The following QSOX1 variants were observed in gnomAD, a reference collection of about 807,000 sequenced individuals.
The protein encoded by QSOX1 is quiescin sulfhydryl oxidase 1.
A neutral mutation model predicts 76.1 loss-of-function variants in QSOX1; 40 were observed. The observed-to-expected ratio is 0.53, with a 90% confidence interval of 0.41 to 0.68. The LOEUF (loss-of-function observed/expected upper bound fraction) is 0.68. QSOX1 is among the 30% of genes least tolerant of loss of function. QSOX1 has a pLI of 0.00. For synonymous variants in QSOX1, 392 were observed against 413.1 expected (o/e 0.95, Z 0.62); for missense variants, 931 against 974.3 (o/e 0.96, Z 0.59).
At chr1:180,188,056 G>A (rs1572052374) in intron 8 of QSOX1, among the ~76,000 whole-genome samples, 1 of 152,056 alleles carries the variant, frequency 6.6e-6, no homozygotes, top group Admixed American at 6.6e-5. Flanking sequence ...TATGATCTCC[G>A]TTTCATAGAA....
intron 11 of QSOX1, among the ~76,000 whole-genome samples, chr1:180,194,635 C>T (rs1663415274): frequency 6.6e-6 from 1 of 152,250 alleles, no homozygotes; most frequent in Non-Finnish European, 1.5e-5. Context: ...TCTAGGGCCC[C>T]TCTCTAGCCT....
intron 1 of QSOX1, among the ~76,000 whole-genome samples, chr1:180,165,855 C>T (rs1224481487): frequency 5.3e-5 from 8 of 151,662 alleles, no homozygotes; most frequent in Admixed American, 5.2e-4. Flanking sequence ...TTTCAGCGGC[C>T]AGCAGCCTTG....
chr1:180,180,930 GTAT>G (rs1177090915), intron 5 of QSOX1, among the ~76,000 whole-genome samples: 2 of 152,088 alleles, frequency 1.3e-5, no homozygotes, highest in African/African-American at 4.8e-5. Flanking sequence ...GAAGTTGGTG[GTAT>G]TATTATTATT....
At chr1:180,166,274 A>G (rs1662616264) in intron 1 of QSOX1, among the ~76,000 whole-genome samples, 1 of 152,206 alleles carries the variant, frequency 6.6e-6, no homozygotes, top group African/African-American at 2.4e-5. Flanking sequence ...TATGCTAATC[A>G]TCCAAAACAC....
At chr1:180,168,441 G>T (rs1662683444) in intron 2 of QSOX1, among the ~76,000 whole-genome samples, 1 of 152,248 alleles carries the variant, frequency 6.6e-6, no homozygotes, top group South Asian at 2.1e-4. Flanking sequence ...TTGGCCAGGG[G>T]GAGGCACCCA....
chr1:180,194,317 C>T lies in QSOX1; in HGVS notation c.1393C>T (p.His465Tyr), dbSNP rs1182994532. 1 of 1,610,720 alleles carries T rather than the reference C, an allele frequency of 6.2e-7. No individual in the cohort carries two copies. The highest frequency in any genetic ancestry group is 1.1e-5 in the South Asian group (1 of 90,740). ...CGAGCAGATGGCTGCTGCCTCCATGCACCGGGTGGGGAGTCCCAACGCCGC... is the reference window on the plus strand; with the variant it reads ...CGAGCAGATGGCTGCTGCCTCCATGTACCGGGTGGGGAGTCCCAACGCCGC... Reference protein sequence around the residue: ...HFEQMAAASMHRVGSPNAAVL... With the variant: ...HFEQMAAASMYRVGSPNAAVL... Residue 465 changes from histidine to tyrosine, a missense_variant, in exon 11 of 12, where the codon CAC becomes TAC. Coordinates refer to ENST00000367602, the MANE Select transcript of QSOX1 (RefSeq NM_002826.5).
At chr1:180,182,746 A>G (rs1261567879) in intron 6 of QSOX1, among the ~76,000 whole-genome samples, 1 of 152,154 alleles carries the variant, frequency 6.6e-6, no homozygotes, top group African/African-American at 2.4e-5. Flanking sequence ...GCCAGTTCCA[A>G]AATGCCGAGA....
rs776393964 is a variant in QSOX1, at chr1:180,200,023, G to A, written c.*2986G>A. 1.3e-5 allele frequency: 2 copies of A among 152,240 alleles called. No homozygotes were observed. Among genetic ancestry groups the A allele is most frequent in the Non-Finnish European group, 2.9e-5 (2 of 68,072 alleles). 9.4% of individuals were successfully genotyped at this position (152,240 alleles called of 1,614,324 possible). A position where few individuals can be genotyped will look rare whatever the true frequency, so the allele number is the denominator to read the frequency against. ...GGCTCCAGGGGACCCAGCCAGCCTT[G>A]ACCCTGGAGGAAAGTCAGGTGGGCT... On this transcript the variant is annotated 3_prime_UTR_variant, in exon 12 of 12. Transcript: ENST00000367602.
At chr1:180,162,484 C>G (rs1044101895) in intron 1 of QSOX1, among the ~76,000 whole-genome samples, 1 of 151,514 alleles carries the variant, frequency 6.6e-6, no homozygotes, top group African/African-American at 2.4e-5. Flanking sequence ...GACGGTAATC[C>G]CAACACTTTG....
At position 180,197,406 on chromosome 1, in the gene QSOX1, A is replaced by G. The variant is rs1663525497; in HGVS notation, c.*369A>G. The G allele has an allele frequency of 1.2e-6, 2 of 1,610,384 alleles. No individual in the cohort carries two copies. Among genetic ancestry groups the G allele is most frequent in the Middle Eastern group, 1.6e-4 (1 of 6,080 alleles). On this transcript the variant is annotated 3_prime_UTR_variant, in exon 12 of 12. Coordinates refer to ENST00000367602, the MANE Select transcript of QSOX1 (RefSeq NM_002826.5). ...CTTGGTCTTGGCCCTCAACTGGGGC[A>G]AGTGAAGCCAGAGGAGGGTCCCCCA... is the stretch of plus-strand genomic sequence containing the variant.
chr1:180,191,078 A>C (rs1407803650), intron 10 of QSOX1, among the ~76,000 whole-genome samples: 1 of 152,190 alleles, frequency 6.6e-6, no homozygotes, highest in East Asian at 1.9e-4. Flanking sequence ...GATTGTCCAC[A>C]AACTGCACCA....
chr1:180,180,492 G>A (rs1311641894), intron 5 of QSOX1, among the ~76,000 whole-genome samples: 1 of 152,082 alleles, frequency 6.6e-6, no homozygotes, highest in African/African-American at 2.4e-5. Context: ...TTACAGACGT[G>A]AGCCACTGCG....
rs1018136227 is a variant in QSOX1, at chr1:180,185,910, G to A, written c.888-143G>A. 1.0e-5 allele frequency: 10 copies of A among 996,576 alleles called. No homozygotes were observed. The Admixed American group carries it at 2.0e-4, about 20-fold the overall frequency. The allele number at this position is 996,576 out of a possible 1,614,324, so 61.7% of individuals were successfully genotyped here. On this transcript the variant is annotated intron_variant, in intron 7 of 11. Coordinates refer to ENST00000367602, the MANE Select transcript of QSOX1 (RefSeq NM_002826.5). ...CCCAAGGTCACACAGCACATTTCTG[G>A]CAGAAGCCAGTGGTAACTTACAAGA...
At chr1:180,184,963 T>C (rs1205919889) in intron 7 of QSOX1, among the ~76,000 whole-genome samples, 3 of 152,350 alleles carry the variant, frequency 2.0e-5, no homozygotes, top group South Asian at 2.1e-4. Flanking sequence ...ATTACAGTTA[T>C]GCAAACCATT....
chr1:180,175,982 A>G lies in QSOX1; in HGVS notation c.464A>G (p.Glu155Gly). The change falls in exon 4 of 12, where the codon GAG (glutamate) becomes GGG (glycine). Residue 155 changes from glutamate to glycine, a missense_variant. By Grantham distance (98) the Glu-to-Gly change is moderately conservative. Transcript: ENST00000367602. ...TLRERLIDALESHHDTWPPAC... is the reference protein window; with the variant it reads ...TLRERLIDALGSHHDTWPPAC... ...CGGGAGAGGCTCATTGACGCCCTGG[A>G]GTCCCATCATGACACGTGGCCCCCA... 1 of 1,602,804 alleles carries G rather than the reference A, an allele frequency of 6.2e-7. No individual in the cohort carries two copies. The highest frequency in any genetic ancestry group is 1.1e-5 in the South Asian group (1 of 88,884).
chr1:180,197,247 C>T lies in QSOX1; in HGVS notation c.*210C>T. 9 of 1,604,944 alleles carry T rather than the reference C, an allele frequency of 5.6e-6. No homozygotes were observed. ...AAGACAGGAGCAGGGTCCAGGTTCC[C>T]CTGCTGTGCAGGGAGGGCAGCCCCG... On this transcript the variant is annotated 3_prime_UTR_variant, in exon 12 of 12. Coordinates refer to ENST00000367602, the MANE Select transcript of QSOX1 (RefSeq NM_002826.5).
At chr1:180,155,261 G>T in intron 1 of QSOX1, 89 bp downstream of exon 1, 1 of 1,244,910 alleles carries the variant, frequency 8.0e-7, no homozygotes, top group Non-Finnish European at 1.1e-6. Context: ...CCGGGAGCGC[G>T]TCCCTCTTCC....
intron 10 of QSOX1, among the ~76,000 whole-genome samples, chr1:180,193,988 C>T (rs1663391631): frequency 1.3e-5 from 2 of 151,962 alleles, no homozygotes; most frequent in Admixed American, 1.3e-4. Flanking sequence ...GAAGGGGATC[C>T]AGGTTTAGGA....
rs1400136399 is a variant in QSOX1 at position 180,200,781 on chromosome 1, C to T, written c.*3744C>T. 3 of 152,240 alleles carry T rather than the reference C, an allele frequency of 2.0e-5. No homozygotes were observed. The highest frequency in any genetic ancestry group is 4.8e-5 in the African/African-American group (2 of 41,456). 9.4% of individuals were successfully genotyped at this position (152,240 alleles called of 1,614,324 possible). On this transcript the variant is annotated 3_prime_UTR_variant, in exon 12 of 12. Coordinates refer to ENST00000367602, the MANE Select transcript of QSOX1 (RefSeq NM_002826.5). ...AGATCCCACCCACTCAACCCTGGAG[C>T]TGCAGTCTCTACCCCTTCTAACACA...
Sources: allele counts gnomAD v4.1 joint callset (sites outside exome capture counted in the v4.1 genomes callset), GRCh38; gene constraint gnomAD v4.1.1; transcripts MANE v1.5; gene names NCBI Gene and HGNC (gene_info 2026-07-23, HGNC 2026-07-21).